AGPS: variants seen among roughly 807,000 people sequenced by gnomAD.
The protein encoded by AGPS is alkyldihydroxyacetonephosphate synthase, peroxisomal.
In AGPS, 26 loss-of-function variants were observed where a neutral mutation model predicts 90.7. The ratio of observed to expected loss-of-function variants is 0.29; its 90% CI spans 0.21 to 0.40. AGPS has a LOEUF of 0.40. Ranked by LOEUF, AGPS falls within the 10% of genes least tolerant of loss-of-function variation. The pLI is 1.00. For missense variants in AGPS, 540 were observed against 816.1 expected, an observed-to-expected ratio of 0.66 and a Z score of 4.12; for synonymous variants, 294 against 285.3, an observed-to-expected ratio of 1.03 and a Z score of -0.31.
chr2:177,399,191 T>C (rs1389480291), intron 1 of AGPS, among the ~76,000 whole-genome samples: 1 of 152,234 alleles, frequency 6.6e-6, no homozygotes, highest in Non-Finnish European at 1.5e-5. Context: ...TGAGATACTT[T>C]ATGGAACACT....
At chr2:177,414,235 A>G (rs141515108) in intron 1 of AGPS, among the ~76,000 whole-genome samples, 166 of 151,800 alleles carry the variant, frequency 1.1e-3, no homozygotes, top group African/African-American at 3.7e-3. Flanking sequence ...TTGAGACAGG[A>G]CCTCACTCTG....
At chr2:177,454,736 T>G (rs1162654955) in intron 8 of AGPS, among the ~76,000 whole-genome samples, 7 of 152,168 alleles carry the variant, frequency 4.6e-5, no homozygotes, top group Admixed American at 4.6e-4. Context: ...GTGGAAACAG[T>G]TGATCCTCTA....
At chr2:177,525,245 C>T (rs2079073074) in intron 19 of AGPS, among the ~76,000 whole-genome samples, 1 of 152,100 alleles carries the variant, frequency 6.6e-6, no homozygotes, top group Admixed American at 6.6e-5. Flanking sequence ...TTAGCACCTT[C>T]CTGTAAAATT....
chr2:177,480,582 G>T (rs185029414), intron 10 of AGPS, among the ~76,000 whole-genome samples: 8 of 152,012 alleles, frequency 5.3e-5, no homozygotes, highest in African/African-American at 1.7e-4. Context: ...CTGTTGTGGC[G>T]GGGGGAAGTG....
chr2:177,453,434 G>A (rs954465897), intron 8 of AGPS, among the ~76,000 whole-genome samples: 1 of 151,726 alleles, frequency 6.6e-6, no homozygotes, highest in Non-Finnish European at 1.5e-5. Flanking sequence ...ACCACGCCCA[G>A]CTAATACTAT....
At chr2:177,411,059 C>T (rs984412171) in intron 1 of AGPS, among the ~76,000 whole-genome samples, 2 of 152,150 alleles carry the variant, frequency 1.3e-5, no homozygotes, top group African/African-American at 2.4e-5. Flanking sequence ...ACCTGAGGGC[C>T]ATGACTAAAG....
intron 16 of AGPS, among the ~76,000 whole-genome samples, chr2:177,512,925 C>T (rs1688918380): frequency 6.7e-6 from 1 of 149,408 alleles, no homozygotes; most frequent in Admixed American, 6.7e-5. Flanking sequence ...CTCACTGCAA[C>T]CTCAACCTCC....
chr2:177,422,476 T>G (rs1194677415), intron 2 of AGPS, among the ~76,000 whole-genome samples: 2 of 152,122 alleles, frequency 1.3e-5, no homozygotes, highest in Admixed American at 1.3e-4. Context: ...CATTGTTGAC[T>G]CCTAAGTCAG....
chr2:177,423,398 A>G (rs952516044), intron 2 of AGPS, among the ~76,000 whole-genome samples: 1 of 152,196 alleles, frequency 6.6e-6, no homozygotes, highest in African/African-American at 2.4e-5. Context: ...CAATTTTTGA[A>G]ATTTTTTGTA....
At chr2:177,448,790 A>T (rs1475535910) in intron 8 of AGPS, among the ~76,000 whole-genome samples, 6 of 152,208 alleles carry the variant, frequency 3.9e-5, no homozygotes, top group Admixed American at 3.9e-4. Flanking sequence ...CATATCCACC[A>T]ACCCCAAAAG....
At chr2:177,468,572 C>G (rs775721752) in intron 10 of AGPS, 48 bp downstream of exon 10, 1 of 1,331,072 alleles carries the variant, frequency 7.5e-7, no homozygotes, top group South Asian at 1.2e-5. Context: ...GTTAGTCATG[C>G]AGTTTTGTGA....
intron 11 of AGPS, among the ~76,000 whole-genome samples, chr2:177,489,804 C>A (rs760033616): frequency 6.6e-6 from 1 of 152,186 alleles, no homozygotes; most frequent in Non-Finnish European, 1.5e-5. Context: ...CAATTTCTGT[C>A]TGAGTATTCT....
chr2:177,521,966 A>G (rs1057207690), intron 18 of AGPS, among the ~76,000 whole-genome samples: 2 of 152,206 alleles, frequency 1.3e-5, no homozygotes, highest in African/African-American at 4.8e-5. Context: ...TTAAAAACTC[A>G]GGTGTTCTAC....
chr2:177,470,119 A>G (rs913105836), intron 10 of AGPS, among the ~76,000 whole-genome samples: 5 of 152,136 alleles, frequency 3.3e-5, no homozygotes, highest in African/African-American at 1.2e-4. Flanking sequence ...CAGAGTGACC[A>G]TCATGTTGGT....
intron 1 of AGPS, among the ~76,000 whole-genome samples, chr2:177,404,017 T>C (rs1002383177): frequency 4.6e-5 from 7 of 152,184 alleles, no homozygotes; most frequent in Admixed American, 2.6e-4. Flanking sequence ...GCTGATCTCA[T>C]TGGGCGTGGA....
intron 1 of AGPS, among the ~76,000 whole-genome samples, chr2:177,396,441 T>C (rs1685176469): frequency 2.6e-5 from 4 of 152,082 alleles, no homozygotes; most frequent in Admixed American, 2.6e-4. Flanking sequence ...TGTCAGGTAG[T>C]GATAAATATA....
chr2:177,476,918 T>G (rs1687795426), intron 10 of AGPS, among the ~76,000 whole-genome samples: 1 of 152,170 alleles, frequency 6.6e-6, no homozygotes, highest in Non-Finnish European at 1.5e-5. Flanking sequence ...TCTTTATAGC[T>G]AGTAATATTT....
At chr2:177,522,517 T>A (rs972982723) in intron 18 of AGPS, among the ~76,000 whole-genome samples, 9 of 152,176 alleles carry the variant, frequency 5.9e-5, no homozygotes, top group Non-Finnish European at 1.3e-4. Context: ...TGGCGTGATC[T>A]CGGCTCACTG....
At chr2:177,424,987 G>C (rs1436151254) in intron 2 of AGPS, among the ~76,000 whole-genome samples, 1 of 152,160 alleles carries the variant, frequency 6.6e-6, no homozygotes, top group East Asian at 1.9e-4. Context: ...ACCTTTGTCA[G>C]ATGCTCCGAT....
Sources: gnomAD v4.1 joint callset for allele counts (sites outside exome capture counted in the v4.1 genomes callset) on GRCh38, gnomAD v4.1.1 for gene constraint, MANE v1.5 for transcripts, NCBI Gene and HGNC (gene_info 2026-07-23, HGNC 2026-07-21) for gene names.